RNF17: variants seen among roughly 807,000 people sequenced by gnomAD.
RNF17 encodes the protein ring finger protein 17, also known as spermatogenesis associated 23.
In RNF17, 31 loss-of-function variants were observed where a neutral mutation model predicts 200.5. That is an observed-to-expected ratio of 0.15 (90% CI 0.12 to 0.21). The LOEUF is 0.21. RNF17 is among the 10% of genes least tolerant of loss of function. RNF17 has a pLI of 1.00. For synonymous variants in RNF17, 606 were observed against 637.8 expected (o/e 0.95, Z 0.75); for missense variants, 1,628 against 1,905.1 (o/e 0.85, Z 2.71).
chr13:24,774,756 TG>T, intron 2 of RNF17, 56 bp from the exon 3 acceptor site: 1 of 1,032,298 alleles, frequency 9.7e-7, no homozygotes, highest in Non-Finnish European at 1.5e-6. Flanking sequence ...GTTTAGGTTC[TG>T]GATAGGCATA....
At chr13:24,859,732 G>A (rs549361124) in intron 26 of RNF17, among the ~76,000 whole-genome samples, 16 of 152,046 alleles carry the variant, frequency 1.1e-4, no homozygotes, top group African/African-American at 3.1e-4. Context: ...TAGGGGTGAG[G>A]GGAGAAAAAC....
intron 1 of RNF17, among the ~76,000 whole-genome samples, chr13:24,765,315 G>T (rs1429669229): frequency 2.0e-5 from 3 of 152,116 alleles, no homozygotes; most frequent in Non-Finnish European, 4.4e-5. Context: ...GCGCCCGGCC[G>T]GTTCAAGTTA....
At position 24,804,410 on chromosome 13, in the gene RNF17, G is replaced by C. The variant is rs377508660; in HGVS notation, c.2072G>C (p.Gly691Ala). ...SVTVCHINSP[G>A]DFYLQLIEGL... is the part of the protein sequence containing the mutation. ...ACGGTTTGTCATATAAATAGTCCTG[G>C]AGATTTCTATCTTCAGTTGGTAAGT... The change falls in exon 15 of 36, where the codon GGA becomes GCA. Residue 691 changes from glycine (G) to alanine (A), a missense_variant. Gly to Ala is a moderately conservative substitution (Grantham distance 60, BLOSUM62 0). This residue lies in a region of RNF17 where 289 missense variants were observed against 384.9 expected (regional missense o/e 0.75). Coordinates refer to ENST00000255324, the MANE Select transcript of RNF17 (RefSeq NM_031277.3). The C allele has an allele frequency of 1.1e-5, 18 of 1,610,898 alleles. No homozygotes were observed. In the African/African-American group the frequency reaches 2.3e-4, roughly 20 times the overall value.
chr13:24,756,371 A>G, the RNF17 span, among the ~76,000 whole-genome samples: 3 of 152,208 alleles, frequency 2.0e-5, no homozygotes, highest in Admixed American at 2.0e-4. Context: ...GCTAAAATAA[A>G]TATTAAAATT....
intron 15 of RNF17, among the ~76,000 whole-genome samples, chr13:24,824,803 T>C (rs2137958304): frequency 6.6e-6 from 1 of 152,312 alleles, no homozygotes; most frequent in African/African-American, 2.4e-5. Flanking sequence ...TAAACAGAAC[T>C]ATACACATTG....
chr13:24,857,101 A>G (rs921879022), intron 25 of RNF17, among the ~76,000 whole-genome samples: 4 of 152,256 alleles, frequency 2.6e-5, no homozygotes, highest in Admixed American at 1.3e-4. Context: ...AGATCAGACA[A>G]AGGGGTTCAG....
At chr13:24,808,273 C>G (rs1370214629) in intron 15 of RNF17, among the ~76,000 whole-genome samples, 1 of 152,078 alleles carries the variant, frequency 6.6e-6, no homozygotes, top group Non-Finnish European at 1.5e-5. Flanking sequence ...TCTTCCTGCC[C>G]ATGAGCATGG....
Position 24,804,342 on chromosome 13 carries a change from T to C in RNF17, c.2004T>C (p.Tyr668=). The change falls in exon 15 of 36, where the codon TAT becomes TAC. Residue 668 remains tyrosine (Y), a synonymous_variant. Coordinates refer to ENST00000255324, the MANE Select transcript of RNF17 (RefSeq NM_031277.3). ...SHFEKNTTLH[Y]HPPILPKEMT... ...TTGAAAAAAATACTACTTTACACTA[T>C]CATCCACCTATTTTGCCTAAAGAAA... 6.2e-7 allele frequency: 1 copy of C among 1,611,348 alleles called. No homozygotes were observed.
chr13:24,846,890 G>A (rs1891312295), intron 22 of RNF17, among the ~76,000 whole-genome samples: 1 of 151,966 alleles, frequency 6.6e-6, no homozygotes, highest in Non-Finnish European at 1.5e-5. Context: ...CACACACTTA[G>A]GTATACATAT....
At chr13:24,829,682 G>A (rs979770211) in intron 16 of RNF17, among the ~76,000 whole-genome samples, 2 of 152,198 alleles carry the variant, frequency 1.3e-5, no homozygotes, top group African/African-American at 4.8e-5. Context: ...TGAAATGACA[G>A]ATACTGTATT....
intron 3 of RNF17, among the ~76,000 whole-genome samples, chr13:24,777,727 G>T (rs1005927016): frequency 6.6e-6 from 1 of 151,962 alleles, no homozygotes; most frequent in Non-Finnish European, 1.5e-5. Flanking sequence ...AAAATACCAC[G>T]TAAGGACCAG....
At chr13:24,768,237 T>C (rs1880046419) in intron 2 of RNF17, among the ~76,000 whole-genome samples, 1 of 151,986 alleles carries the variant, frequency 6.6e-6, no homozygotes, top group Non-Finnish European at 1.5e-5. Context: ...ATAAGTGTAG[T>C]TCAGCTTATA....
At chr13:24,853,285 A>C (rs1000083146) in intron 24 of RNF17, among the ~76,000 whole-genome samples, 46 of 152,208 alleles carry the variant, frequency 3.0e-4, no homozygotes, top group African/African-American at 1.0e-3. Flanking sequence ...AAACACAATC[A>C]ATATTAATAT....
chr13:24,880,427 G>T (rs1953783827), downstream of RNF17, among the ~76,000 whole-genome samples: 1 of 152,158 alleles, frequency 6.6e-6, no homozygotes, highest in Non-Finnish European at 1.5e-5. Flanking sequence ...ATTAAGAGGT[G>T]AACACTACTG....
At chr13:24,765,609 A>T (rs938075781) in intron 1 of RNF17, among the ~76,000 whole-genome samples, 1 of 152,238 alleles carries the variant, frequency 6.6e-6, no homozygotes, top group Non-Finnish European at 1.5e-5. Context: ...TTTTTGAATG[A>T]AATTAAAATT....
At chr13:24,764,983 A>G (rs957175843) in intron 1 of RNF17, among the ~76,000 whole-genome samples, 2 of 151,192 alleles carry the variant, frequency 1.3e-5, no homozygotes, top group African/African-American at 2.4e-5. Context: ...TTCACCTACA[A>G]TCTACTCAAG....
At chr13:24,814,847 C>T (rs1234500160) in intron 15 of RNF17, among the ~76,000 whole-genome samples, 1 of 152,094 alleles carries the variant, frequency 6.6e-6, no homozygotes, top group Non-Finnish European at 1.5e-5. Flanking sequence ...CTTAAGATTC[C>T]ATGTGACTTT....
intron 6 of RNF17, among the ~76,000 whole-genome samples, chr13:24,784,841 G>C (rs1882885712): frequency 6.6e-6 from 1 of 152,002 alleles, no homozygotes; most frequent in Non-Finnish European, 1.5e-5. Context: ...TGAGTAGCTG[G>C]GACTACAGGC....
chr13:24,883,050 A>G (rs1475965939), downstream of RNF17: 3 of 839,300 alleles, frequency 3.6e-6, no homozygotes, highest in East Asian at 4.9e-5. Context: ...GCCACAGGGT[A>G]AACTTTTATT....
Sources: gnomAD v4.1 joint callset for allele counts (sites outside exome capture counted in the v4.1 genomes callset) on GRCh38, gnomAD v4.1.1 for gene constraint, gnomAD v4.1.1 regional missense constraint, MANE v1.5 for transcripts, NCBI Gene and HGNC (gene_info 2026-07-23, HGNC 2026-07-21) for gene names.